TAFA1: variants seen among roughly 807,000 people sequenced by gnomAD.
The protein encoded by TAFA1 is TAFA chemokine like family member 1.
In TAFA1, 4 loss-of-function variants were observed where a neutral mutation model predicts 18.5. The observed-to-expected ratio is 0.22, with a 90% CI of 0.11 to 0.49. TAFA1 has a LOEUF of 0.49. TAFA1 is among the 20% of genes least tolerant of loss of function. The pLI, the probability that TAFA1 is intolerant of heterozygous loss-of-function variation, is 0.98. For synonymous variants in TAFA1, 56 were observed against 55.2 expected (o/e 1.01, Z -0.06); for missense variants, 147 against 169.0 (o/e 0.87, Z 0.72).
chr3:68,390,919 G>C (rs1393007525), intron 2 of TAFA1, among the ~76,000 whole-genome samples: 5 of 152,162 alleles, frequency 3.3e-5, no homozygotes, highest in East Asian at 1.9e-4. Context: ...GCACAAAAAG[G>C]CTGAAAATTC....
intron 3 of TAFA1, among the ~76,000 whole-genome samples, chr3:68,457,847 T>A (rs547766241): frequency 6.6e-6 from 1 of 152,290 alleles, no homozygotes; most frequent in Non-Finnish European, 1.5e-5. Context: ...TGTGTTCAGC[T>A]TTTTTAGAGT....
At chr3:68,090,466 A>G (rs2065017136) in intron 2 of TAFA1, among the ~76,000 whole-genome samples, 1 of 152,202 alleles carries the variant, frequency 6.6e-6, no homozygotes, top group African/African-American at 2.4e-5. Context: ...ACCACAAGAC[A>G]TGAAAAGACA....
intron 2 of TAFA1, among the ~76,000 whole-genome samples, chr3:68,413,444 C>G (rs2070754482): frequency 6.6e-6 from 1 of 152,120 alleles, no homozygotes; most frequent in South Asian, 2.1e-4. Context: ...TAAATGATTA[C>G]TTTCTTTAAT....
intron 3 of TAFA1, among the ~76,000 whole-genome samples, chr3:68,478,010 T>A (rs1172572253): frequency 1.3e-5 from 2 of 152,202 alleles, no homozygotes; most frequent in African/African-American, 4.8e-5. Flanking sequence ...CTGTGCTTTG[T>A]CCAGCAGAAA....
At chr3:68,027,017 G>T (rs565867704) in intron 2 of TAFA1, among the ~76,000 whole-genome samples, 8 of 152,026 alleles carry the variant, frequency 5.3e-5, no homozygotes, top group African/African-American at 1.7e-4. Context: ...AGAGAGAGAG[G>T]GGGGAGGTGG....
chr3:68,234,640 A>T (rs1284159932), intron 2 of TAFA1, among the ~76,000 whole-genome samples: 1 of 152,160 alleles, frequency 6.6e-6, no homozygotes, highest in East Asian at 1.9e-4. Context: ...GGCTCACCAA[A>T]GCTCTGCTTG....
intron 3 of TAFA1, among the ~76,000 whole-genome samples, chr3:68,451,313 G>T (rs1208774456): frequency 1.3e-5 from 2 of 152,166 alleles, no homozygotes; most frequent in African/African-American, 4.8e-5. Context: ...TCTGTTAAAT[G>T]AATGCATCAG....
At chr3:68,520,839 A>C (rs1465798384) in intron 3 of TAFA1, among the ~76,000 whole-genome samples, 1 of 152,228 alleles carries the variant, frequency 6.6e-6, no homozygotes, top group East Asian at 1.9e-4. Context: ...GTAATTGTTA[A>C]TATTCGGTAC....
intron 3 of TAFA1, among the ~76,000 whole-genome samples, chr3:68,435,217 G>A (rs1243948063): frequency 6.6e-6 from 1 of 152,076 alleles, no homozygotes; most frequent in African/African-American, 2.4e-5. Context: ...CAGAAACAAT[G>A]GCATGTGCAA....
chr3:68,273,772 T>C (rs1319851883), intron 2 of TAFA1, among the ~76,000 whole-genome samples: 1 of 152,188 alleles, frequency 6.6e-6, no homozygotes, highest in Non-Finnish European at 1.5e-5. Flanking sequence ...GTGGTAATAG[T>C]ATAATGCACA....
At chr3:68,364,182 C>G (rs1349499070) in intron 2 of TAFA1, among the ~76,000 whole-genome samples, 1 of 152,142 alleles carries the variant, frequency 6.6e-6, no homozygotes, top group Admixed American at 6.5e-5. Flanking sequence ...AGCTTTAAGT[C>G]AGCACTTAGG....
At chr3:68,368,467 C>G (rs1365269479) in intron 2 of TAFA1, among the ~76,000 whole-genome samples, 1 of 152,088 alleles carries the variant, frequency 6.6e-6, no homozygotes, top group African/African-American at 2.4e-5. Context: ...CCTTATATCT[C>G]TGTGGCCCAT....
chr3:68,270,663 C>G (rs2067647779), intron 2 of TAFA1, among the ~76,000 whole-genome samples: 1 of 152,116 alleles, frequency 6.6e-6, no homozygotes, highest in Admixed American at 6.6e-5. Flanking sequence ...TTCCTTTTGG[C>G]TGGAGCTACC....
At chr3:68,175,427 A>C (rs2066110885) in intron 2 of TAFA1, among the ~76,000 whole-genome samples, 1 of 152,184 alleles carries the variant, frequency 6.6e-6, no homozygotes, top group African/African-American at 2.4e-5. Context: ...GCACAACCAC[A>C]AGGGCGGAGT....
chr3:68,505,289 CT>C (rs2072728187), intron 3 of TAFA1, among the ~76,000 whole-genome samples: 1 of 152,256 alleles, frequency 6.6e-6, no homozygotes, highest in South Asian at 2.1e-4. Context: ...CTTCCAAAGT[CT>C]TTAGCTTTTT....
At chr3:68,533,579 C>T (rs868137244) in intron 3 of TAFA1, among the ~76,000 whole-genome samples, 6 of 152,140 alleles carry the variant, frequency 3.9e-5, no homozygotes, top group African/African-American at 1.2e-4. Flanking sequence ...AGTATGGATT[C>T]GCCTTGTGCT....
intron 2 of TAFA1, among the ~76,000 whole-genome samples, chr3:68,369,712 A>G (rs1478191364): frequency 3.9e-5 from 6 of 152,206 alleles, no homozygotes; most frequent in African/African-American, 1.2e-4. Flanking sequence ...TTCAATTTCA[A>G]TATAAATTGA....
At chr3:68,297,266 C>T (rs928830933) in intron 2 of TAFA1, among the ~76,000 whole-genome samples, 5 of 152,194 alleles carry the variant, frequency 3.3e-5, no homozygotes, top group African/African-American at 1.2e-4. Flanking sequence ...TATTTCTCTT[C>T]ATTGGCTAAG....
At chr3:68,242,653 T>C (rs999097620) in intron 2 of TAFA1, among the ~76,000 whole-genome samples, 11 of 152,204 alleles carry the variant, frequency 7.2e-5, no homozygotes, top group Admixed American at 5.2e-4. Context: ...GTTTGGGAAC[T>C]GAAAATGCCA....
Sources: gnomAD v4.1 joint callset for allele counts (sites outside exome capture counted in the v4.1 genomes callset) on GRCh38, gnomAD v4.1.1 for gene constraint, MANE v1.5 for transcripts, NCBI Gene and HGNC (gene_info 2026-07-23, HGNC 2026-07-21) for gene names.